Variants in RPN2 observed in about 807,000 individuals in gnomAD.
RPN2 encodes the protein dolichyl-diphosphooligosaccharide--protein glycosyltransferase subunit 2.
Under a neutral mutation model 71.4 loss-of-function variants are expected in RPN2, and 29 were observed. The ratio of observed to expected loss-of-function variants is 0.41; its 90% CI spans 0.30 to 0.55. RPN2 has a LOEUF of 0.55. Ranked by LOEUF, RPN2 falls within the 20% of genes least tolerant of loss-of-function variation. The probability of loss-of-function intolerance (pLI) is 0.35; values close to 1 mark genes in which losing one functional copy is unlikely to be tolerated. For missense variants in RPN2, 726 were observed against 774.1 expected, an observed-to-expected ratio of 0.94 and a Z score of 0.74; for synonymous variants, 308 against 305.0, an observed-to-expected ratio of 1.01 and a Z score of -0.10.
intron 9 of RPN2, among the ~76,000 whole-genome samples, chr20:37,220,279 T>C (rs2067919007): frequency 6.6e-6 from 1 of 152,034 alleles, no homozygotes; most frequent in African/African-American, 2.4e-5. Context: ...TCAGTAATAA[T>C]CACACTTAGA....
intron 6 of RPN2, among the ~76,000 whole-genome samples, chr20:37,205,284 C>T (rs2067488331): frequency 6.6e-6 from 1 of 151,974 alleles, no homozygotes; most frequent in Admixed American, 6.6e-5. Context: ...AATTGCTTCT[C>T]CTCCCTTCCC....
Position 37,229,531 on chromosome 20 carries a change from G to A in RPN2, c.1495-442G>A, listed in dbSNP as rs558974388. ...TTGACTCACTTTGCAAGACAAAGGG[G>A]CAGCTGCGTTTTCTCGTGTGGTATT... On this transcript the variant is annotated intron_variant, in intron 12 of 16. Transcript: ENST00000237530. 2.9e-4 allele frequency among the ~76,000 whole-genome samples: 44 copies of A among 152,310 alleles called. 1 individual carries two copies. The highest frequency in any genetic ancestry group is 1.0e-3 in the African/African-American group (42 of 41,572).
At chr20:37,183,652 G>C (rs1043819632) in intron 1 of RPN2, among the ~76,000 whole-genome samples, 6 of 152,222 alleles carry the variant, frequency 3.9e-5, no homozygotes, top group Non-Finnish European at 7.3e-5. Flanking sequence ...CAGAGTCTGG[G>C]TTCTTCCTTA....
At chr20:37,191,936 A>G (rs1258670329) in intron 2 of RPN2, among the ~76,000 whole-genome samples, 3 of 123,722 alleles carry the variant, frequency 2.4e-5, no homozygotes, top group Non-Finnish European at 3.2e-5. Context: ...ATTTCTGCAA[A>G]AAGTAAAATT....
intron 10 of RPN2, 83 bp from the exon 11 acceptor site, chr20:37,225,605 A>C: frequency 1.1e-6 from 1 of 896,704 alleles, no homozygotes; most frequent in Non-Finnish European, 1.9e-6. Flanking sequence ...TGGTTGAGGC[A>C]ATGAAGTGAA....
chr20:37,201,553 A>G (rs115054446), intron 4 of RPN2, among the ~76,000 whole-genome samples: 70 of 152,256 alleles, frequency 4.6e-4, no homozygotes, highest in African/African-American at 1.7e-3. Context: ...GTCTTGTAGA[A>G]AGCTCATAGG....
At chr20:37,216,976 G>T in intron 9 of RPN2, among the ~76,000 whole-genome samples, 1 of 151,304 alleles carries the variant, frequency 6.6e-6, no homozygotes, top group Non-Finnish European at 1.5e-5. Context: ...TACCACCCAG[G>T]CTGGAGTGCA....
chr20:37,200,745 C>T (rs2067369563), intron 4 of RPN2, among the ~76,000 whole-genome samples: 1 of 152,132 alleles, frequency 6.6e-6, no homozygotes, highest in East Asian at 1.9e-4. Flanking sequence ...CCTTTTGGGC[C>T]TTTGATTTCA....
chr20:37,211,657 A>T (rs907530481), intron 8 of RPN2, among the ~76,000 whole-genome samples: 2 of 151,898 alleles, frequency 1.3e-5, no homozygotes, highest in African/African-American at 4.8e-5. Flanking sequence ...AAAAAAAAAA[A>T]AAAAATCAGG....
chr20:37,214,480 G>T (rs961785273), intron 9 of RPN2, among the ~76,000 whole-genome samples: 10 of 152,120 alleles, frequency 6.6e-5, no homozygotes, highest in African/African-American at 9.7e-5. Context: ...ACCCCATCTG[G>T]CATGGTGGCT....
chr20:37,187,574 A>T (rs1282294252), intron 2 of RPN2, among the ~76,000 whole-genome samples: 1 of 151,066 alleles, frequency 6.6e-6, no homozygotes, highest in East Asian at 1.9e-4. Flanking sequence ...TCATCTTGTT[A>T]TTTGTTTCCT....
In RPN2 at chr20:37,238,731, G is replaced by T. The variant is rs186723239; in HGVS notation, c.1883+2022G>T. ...GACTTCATTCTCCCTTATATCCCGTGGGGTACTTACTTATTTATAGACAAG... is the reference window on the plus strand; with the variant it reads ...GACTTCATTCTCCCTTATATCCCGTTGGGTACTTACTTATTTATAGACAAG... On this transcript the variant is annotated intron_variant, in intron 16 of 16. Coordinates refer to ENST00000237530, the MANE Select transcript of RPN2 (RefSeq NM_002951.5). 3.5e-4 allele frequency: 233 copies of T among 675,084 alleles called. 2 individuals are homozygous for T. The East Asian group carries it at 5.3e-3, about 15-fold the overall frequency. The allele number at this position is 675,084 out of a possible 1,614,324, so 41.8% of individuals were successfully genotyped here.
chr20:37,216,586 C>T (rs191725085), intron 9 of RPN2, among the ~76,000 whole-genome samples: 2 of 151,938 alleles, frequency 1.3e-5, no homozygotes, highest in African/African-American at 4.8e-5. Flanking sequence ...CTCAGCCTCC[C>T]GAGTAGCTGG....
chr20:37,223,847 C>G (rs1192337238), intron 9 of RPN2, 31 bp from the exon 10 acceptor site: 2 of 1,584,834 alleles, frequency 1.3e-6, no homozygotes, highest in African/African-American at 1.3e-5. Flanking sequence ...CACCAATTGA[C>G]CTGGCAACTG....
chr20:37,187,731 C>G (rs1231254694), intron 2 of RPN2, among the ~76,000 whole-genome samples: 1 of 151,920 alleles, frequency 6.6e-6, no homozygotes, highest in African/African-American at 2.4e-5. Context: ...ACCTCTGCCT[C>G]CCGGGTTCAA....
chr20:37,192,678 T>G (rs1360302086), intron 2 of RPN2, among the ~76,000 whole-genome samples: 1 of 152,208 alleles, frequency 6.6e-6, no homozygotes, highest in Non-Finnish European at 1.5e-5. Flanking sequence ...AGACAGGCAT[T>G]AATCATGTAA....
rs1414573866 is a variant in RPN2 at position 37,184,249 on chromosome 20, A to G, written c.83A>G (p.Tyr28Cys). 1.2e-6 allele frequency: 2 copies of G among 1,613,984 alleles called. No homozygotes were observed. Among genetic ancestry groups the G allele is most frequent in the East Asian group, 4.5e-5 (2 of 44,854 alleles). ...ACCTGGGCTCTGACGCCCACTCACTACCTCACCAAGCATGACGTGGAGAGA... is the reference window on the plus strand; with the variant it reads ...ACCTGGGCTCTGACGCCCACTCACTGCCTCACCAAGCATGACGTGGAGAGA... ...ASTWALTPTH[Y>C]LTKHDVERLK... The change falls in exon 2 of 17, where the codon TAC becomes TGC. Residue 28 changes from tyrosine to cysteine, a missense_variant. Physicochemically the swap from Tyr to Cys is radical, Grantham distance 194. Coordinates refer to ENST00000237530, the MANE Select transcript of RPN2 (RefSeq NM_002951.5).
chr20:37,200,824 G>A (rs183792318), intron 4 of RPN2, among the ~76,000 whole-genome samples: 1 of 152,170 alleles, frequency 6.6e-6, no homozygotes, highest in African/African-American at 2.4e-5. Flanking sequence ...ATCATCTCAT[G>A]CCATGATGCC....
intron 9 of RPN2, 55 bp downstream of exon 9, chr20:37,213,920 C>T: frequency 8.2e-7 from 1 of 1,215,292 alleles, no homozygotes; most frequent in African/African-American, 1.5e-5. Context: ...AGGATATGGC[C>T]AAATTGACAC....
Sources: allele counts gnomAD v4.1 joint callset (sites outside exome capture counted in the v4.1 genomes callset), GRCh38; gene constraint gnomAD v4.1.1; transcripts MANE v1.5; gene names NCBI Gene and HGNC (gene_info 2026-07-23, HGNC 2026-07-21).